SH3GL2: variants seen among roughly 807,000 people sequenced by gnomAD.
SH3GL2 encodes SH3 domain containing GRB2 like 2, endophilin A1, also known as endophilin-A1.
In SH3GL2, 24 loss-of-function variants were observed where a neutral mutation model predicts 46.0. The ratio of observed to expected loss-of-function variants is 0.52; its 90% CI spans 0.38 to 0.73. The LOEUF (loss-of-function observed/expected upper bound fraction) is 0.73. Ranked by LOEUF, SH3GL2 falls within the 30% of genes least tolerant of loss-of-function variation. The pLI, the probability that SH3GL2 is intolerant of heterozygous loss-of-function variation, is 0.00. For missense variants in SH3GL2, 413 were observed against 424.2 expected (o/e 0.97, Z 0.23); for synonymous variants, 196 against 147.1 (o/e 1.33, Z -2.40).
At chr9:17,710,345 C>G (rs1047197111) in intron 1 of SH3GL2, among the ~76,000 whole-genome samples, 10 of 151,934 alleles carry the variant, frequency 6.6e-5, no homozygotes, top group African/African-American at 2.2e-4. Flanking sequence ...TATAAATTAT[C>G]CAGTCTTGGG....
At chr9:17,726,964 C>T (rs1219370556) in intron 1 of SH3GL2, among the ~76,000 whole-genome samples, 1 of 152,058 alleles carries the variant, frequency 6.6e-6, no homozygotes, top group Non-Finnish European at 1.5e-5. Context: ...GGCATAGATT[C>T]CAGGGAAAAC....
At chr9:17,626,195 A>G (rs1819276985) in intron 1 of SH3GL2, among the ~76,000 whole-genome samples, 1 of 151,932 alleles carries the variant, frequency 6.6e-6, no homozygotes, top group African/African-American at 2.4e-5. Flanking sequence ...GACGGGTCTG[A>G]CCTCCACCTG....
rs1414527312 is a variant in SH3GL2 at position 17,793,497 on chromosome 9, G to T, written c.859G>T (p.Gly287Cys). Reference sequence around the variant, plus strand: ...CCACACAGGCACTCCCAAACCTTCAGGTAAGAGCTGAAACTGCAGATCCTA... The same window carrying T: ...CCACACAGGCACTCCCAAACCTTCATGTAAGAGCTGAAACTGCAGATCCTA... ...LSHTGTPKPS[G>C]VQMDQPCCRA... Residue 287 changes from glycine (G) to cysteine (C), a missense_variant and splice_region_variant, in exon 8 of 9, where the codon GGT becomes TGT. By Grantham distance (159) the Gly-to-Cys change is radical. Transcript: ENST00000380607. 4 of 1,612,662 alleles carry T rather than the reference G, an allele frequency of 2.5e-6. No individual in the cohort carries two copies. Among genetic ancestry groups the T allele is most frequent in the Non-Finnish European group, 2.5e-6 (3 of 1,179,596 alleles).
intron 1 of SH3GL2, chr9:17,590,246 A>C (rs1818455273): frequency 6.6e-6 from 1 of 152,246 alleles, no homozygotes; most frequent in Non-Finnish European, 1.5e-5. Context: ...AAGTGGCTGC[A>C]TCTGGGCAAG....
intron 2 of SH3GL2, among the ~76,000 whole-genome samples, chr9:17,748,028 T>G (rs537883704): frequency 1.1e-4 from 17 of 152,248 alleles, no homozygotes; most frequent in African/African-American, 4.1e-4. Flanking sequence ...TTTGGGGGAT[T>G]TTAGTTAAGG....
chr9:17,651,570 T>G (rs1819960402), intron 1 of SH3GL2, among the ~76,000 whole-genome samples: 1 of 152,212 alleles, frequency 6.6e-6, no homozygotes, highest in African/African-American at 2.4e-5. Context: ...ATTGTGTAGT[T>G]AGTTCTCCAT....
chr9:17,684,545 C>T (rs1261264900), intron 1 of SH3GL2, among the ~76,000 whole-genome samples: 1 of 151,956 alleles, frequency 6.6e-6, no homozygotes, highest in Non-Finnish European at 1.5e-5. Flanking sequence ...TAGTGCAATA[C>T]AAAAAATATT....
chr9:17,746,837 GA>G (rs1278625097), intron 1 of SH3GL2, among the ~76,000 whole-genome samples: 1 of 152,164 alleles, frequency 6.6e-6, no homozygotes, highest in Non-Finnish European at 1.5e-5. Context: ...GAAATCAGAA[GA>G]TACAAATTTG....
At chr9:17,735,534 G>T (rs535177219) in intron 1 of SH3GL2, among the ~76,000 whole-genome samples, 2 of 151,940 alleles carry the variant, frequency 1.3e-5, no homozygotes, top group Non-Finnish European at 2.9e-5. Flanking sequence ...TCAACCAAAC[G>T]TGGGTGGAAT....
chr9:17,661,255 G>T (rs1588213832), intron 1 of SH3GL2, among the ~76,000 whole-genome samples: 1 of 152,306 alleles, frequency 6.6e-6, no homozygotes, highest in East Asian at 1.9e-4. Flanking sequence ...TTTTAGCCCT[G>T]TGCTGTTGAT....
chr9:17,654,394 A>G (rs1820023766), intron 1 of SH3GL2, among the ~76,000 whole-genome samples: 2 of 152,162 alleles, frequency 1.3e-5, no homozygotes, highest in East Asian at 3.9e-4. Context: ...TGTTCACTGA[A>G]GATTTGTTAA....
chr9:17,628,567 G>T lies in SH3GL2; in HGVS notation c.45+49280G>T, dbSNP rs1288390129. ...TTGATTTAAAGATCTTAAGGTAAGA[G>T]AAGTAGAGTTAACAGCATACATTTA... On this transcript the variant is annotated intron_variant, in intron 1 of 8. Transcript: ENST00000380607. Among the ~76,000 whole-genome samples the T allele has an allele frequency of 2.0e-5, 3 of 152,248 alleles. No homozygotes were observed. In the East Asian group the frequency reaches 5.8e-4, roughly 29 times the overall value.
Position 17,588,787 on chromosome 9 carries a change from G to A in SH3GL2, c.45+9500G>A, listed in dbSNP as rs77500922. ...TTATAGAATTGTAAGATAATAAATG[G>A]GTATTGTTTTAAGCTGCTAAATTTG... On this transcript the variant is annotated intron_variant, in intron 1 of 8. Coordinates refer to ENST00000380607, the MANE Select transcript of SH3GL2 (RefSeq NM_003026.5). Among the ~76,000 whole-genome samples the A allele has an allele frequency of 4.2e-3, 635 of 152,292 alleles. 8 individuals are homozygous for A. Among genetic ancestry groups the A allele is most frequent in the African/African-American group, 0.015 (605 of 41,550 alleles).
chr9:17,645,182 T>TTTTTA (rs1819781790), intron 1 of SH3GL2, among the ~76,000 whole-genome samples: 6 of 72,704 alleles, frequency 8.3e-5, no homozygotes, highest in Non-Finnish European at 1.7e-4. Context: ...TTTTTTTTTT[T>TTTTTA]GCTTTCCATT....
At chr9:17,713,887 AAAGT>A (rs1382843535) in intron 1 of SH3GL2, among the ~76,000 whole-genome samples, 1 of 151,714 alleles carries the variant, frequency 6.6e-6, no homozygotes, top group Non-Finnish European at 1.5e-5. Flanking sequence ...AAATGTTAAT[AAAGT>A]CAGTGTGGTT....
chr9:17,653,710 G>A (rs75838894), intron 1 of SH3GL2, among the ~76,000 whole-genome samples: 12,931 of 152,224 alleles, frequency 0.085, 743 homozygotes, highest in Admixed American at 0.19. Flanking sequence ...CCATTCCTTT[G>A]TGTACTTAAA....
At chr9:17,701,564 C>T (rs1178704291) in intron 1 of SH3GL2, among the ~76,000 whole-genome samples, 2 of 152,050 alleles carry the variant, frequency 1.3e-5, no homozygotes, top group African/African-American at 4.8e-5. Context: ...ACCTAGAAAA[C>T]TTTATGGGAG....
intron 1 of SH3GL2, among the ~76,000 whole-genome samples, chr9:17,641,687 G>T (rs561383505): frequency 8.5e-5 from 13 of 152,234 alleles, no homozygotes; most frequent in African/African-American, 3.1e-4. Context: ...GAGAACATGT[G>T]GTGTTTGGTT....
At chr9:17,606,505 C>G (rs902862364) in intron 1 of SH3GL2, among the ~76,000 whole-genome samples, 1 of 152,172 alleles carries the variant, frequency 6.6e-6, no homozygotes, top group Non-Finnish European at 1.5e-5. Flanking sequence ...TCTCCCTTCC[C>G]TTTTGATTGA....
Sources: allele counts gnomAD v4.1 joint callset (sites outside exome capture counted in the v4.1 genomes callset), GRCh38; gene constraint gnomAD v4.1.1; transcripts MANE v1.5; gene names NCBI Gene and HGNC (gene_info 2026-07-23, HGNC 2026-07-21).